The following WDFY4 variants were observed in gnomAD, a reference collection of about 807,000 sequenced individuals.
WDFY4 encodes the protein WD repeat- and FYVE domain-containing protein 4.
A neutral mutation model predicts 351.9 loss-of-function variants in WDFY4; 169 were observed. The observed-to-expected ratio is 0.48, with a 90% CI of 0.42 to 0.55. The LOEUF (loss-of-function observed/expected upper bound fraction) is 0.55. Among genes scored for constraint, WDFY4 ranks in the 20% least tolerant of loss-of-function variants. The pLI is 0.00. For missense variants in WDFY4, 3,803 were observed against 3,935.6 expected, an observed-to-expected ratio of 0.97 and a Z score of 0.90; for synonymous variants, 1,622 against 1,574.6, an observed-to-expected ratio of 1.03 and a Z score of -0.71.
At chr10:48,844,951 G>A (rs1220154053) in intron 39 of WDFY4, among the ~76,000 whole-genome samples, 1 of 152,214 alleles carries the variant, frequency 6.6e-6, no homozygotes, top group Non-Finnish European at 1.5e-5. Flanking sequence ...GATGGCTGTA[G>A]GTTGGAAGGT....
rs772820588 is a variant in WDFY4 at position 48,774,513 on chromosome 10, C to T, written c.2609C>T (p.Ser870Leu). 12 of 1,551,610 alleles carry T rather than the reference C, an allele frequency of 7.7e-6. No individual in the cohort carries two copies. Among genetic ancestry groups the T allele is most frequent in the South Asian group, 3.6e-5 (3 of 84,070 alleles). The change falls in exon 14 of 62, where the codon TCG (serine) becomes TTG (leucine). Residue 870 changes from serine to leucine, a missense_variant. Ser to Leu is a moderately radical substitution (Grantham distance 145). Transcript: ENST00000325239. ...AGTCATATCCAGTCCCTGGTGAAGT[C>T]GGAGAAGAACCGCCAGGTCATGTGC... is the stretch of plus-strand genomic sequence containing the variant. The part of the protein sequence containing the change: ...LASHIQSLVK[S>L]EKNRQVMCEA...
intron 32 of WDFY4, 65 bp from the exon 33 acceptor site, chr10:48,820,168 AC>A (rs561025930): frequency 1.7e-4 from 258 of 1,515,332 alleles, no homozygotes; most frequent in Non-Finnish European, 2.2e-4. Flanking sequence ...TGTACATGGC[AC>A]AGGTTGGTGG....
At chr10:48,693,390 C>T (rs1197661339) in intron 1 of WDFY4, among the ~76,000 whole-genome samples, 1 of 152,202 alleles carries the variant, frequency 6.6e-6, no homozygotes, top group African/African-American at 2.4e-5. Flanking sequence ...AGGGCAGGCC[C>T]AGAGGACCTG....
chr10:48,970,023 C>T, intron 56 of WDFY4, 108 bp from the exon 57 acceptor site: 1 of 1,334,912 alleles, frequency 7.5e-7, no homozygotes. Flanking sequence ...CATGGCATGT[C>T]CCCAGTTCCC....
chr10:48,838,785 A>G (rs2068495369), intron 39 of WDFY4, among the ~76,000 whole-genome samples: 1 of 152,170 alleles, frequency 6.6e-6, no homozygotes, highest in Admixed American at 6.5e-5. Context: ...CTGTATGCTT[A>G]TTTTCTCTTT....
At chr10:48,849,766 G>T (rs2068896300) in intron 39 of WDFY4, among the ~76,000 whole-genome samples, 1 of 152,182 alleles carries the variant, frequency 6.6e-6, no homozygotes. Flanking sequence ...AATTGACATT[G>T]TTGCATTACT....
chr10:48,964,883 G>A (rs1197006467), intron 54 of WDFY4, among the ~76,000 whole-genome samples: 1 of 152,166 alleles, frequency 6.6e-6, no homozygotes, highest in Admixed American at 6.5e-5. Context: ...ACTCGGGGTG[G>A]GGAGGGGCTC....
intron 47 of WDFY4, among the ~76,000 whole-genome samples, chr10:48,922,088 C>T (rs571297365): frequency 3.3e-5 from 5 of 152,292 alleles, no homozygotes; most frequent in South Asian, 2.1e-4. Context: ...TGGGTGGATT[C>T]CTAATACTGT....
intron 52 of WDFY4, among the ~76,000 whole-genome samples, chr10:48,957,811 G>A (rs569606153): frequency 6.6e-6 from 1 of 152,318 alleles, no homozygotes; most frequent in East Asian, 1.9e-4. Context: ...ATGCAGCAGG[G>A]CTTCTTGCTG....
chr10:48,830,553 C>A, intron 37 of WDFY4, 147 bp from the exon 38 acceptor site: 1 of 877,044 alleles, frequency 1.1e-6, no homozygotes, highest in Non-Finnish European at 1.7e-6. Flanking sequence ...CTGATTGCTT[C>A]TCGCTGAAGC....
chr10:48,794,804 C>A (rs976311993), intron 23 of WDFY4, among the ~76,000 whole-genome samples: 1 of 152,088 alleles, frequency 6.6e-6, no homozygotes, highest in Non-Finnish European at 1.5e-5. Context: ...GATTTGGCCA[C>A]CTGGAAGTCC....
chr10:48,945,429 C>T (rs959063994), intron 49 of WDFY4, among the ~76,000 whole-genome samples: 4 of 152,120 alleles, frequency 2.6e-5, no homozygotes, highest in Non-Finnish European at 5.9e-5. Context: ...TAAAGAAATG[C>T]AAACCCCAGC....
In WDFY4 at chr10:48,822,364, T is replaced by A. The variant is rs1482760301; in HGVS notation, c.5825-16T>A. 7.9e-6 allele frequency: 12 copies of A among 1,526,802 alleles called. No individual in the cohort carries two copies. Among genetic ancestry groups the A allele is most frequent in the Non-Finnish European group, 1.1e-5 (12 of 1,133,532 alleles). 94.6% of individuals were successfully genotyped at this position (1,526,802 alleles called of 1,614,324 possible). A position where few individuals can be genotyped will look rare whatever the true frequency, so the allele number is the denominator to read the frequency against. On this transcript the variant is annotated splice_polypyrimidine_tract_variant and intron_variant, in intron 34 of 61. Coordinates refer to ENST00000325239, the MANE Select transcript of WDFY4 (RefSeq NM_001394531.1). ...CCATTTAGACTCTCACCTCCACCTG[T>A]CCCCTCACTCCACAGACGGCAAAGA...
In WDFY4 at chr10:48,787,947, T is replaced by TCTTCTTCTTCTTCTC. The variant is rs2066526380; in HGVS notation, c.3809-569_3809-568insCCTTCTTCTTCTTCT. On this transcript the variant is annotated intron_variant, in intron 20 of 61. Coordinates refer to ENST00000325239, the MANE Select transcript of WDFY4 (RefSeq NM_001394531.1). ...TTCTTCTTCTTCTTCTTCTTCTTCT[T>TCTTCTTCTTCTTCTC]CTTCTTCTTCTTCTTCTTCTTCTTC... Among the ~76,000 whole-genome samples the TCTTCTTCTTCTTCTC allele has an allele frequency of 8.2e-5, 7 of 85,640 alleles. No individual in the cohort carries two copies. The South Asian group carries it at 2.4e-3, about 29-fold the overall frequency. 56.2% of individuals were successfully genotyped at this position (85,640 alleles called of 152,430 possible). A position where few individuals can be genotyped will look rare whatever the true frequency, so the allele number is the denominator to read the frequency against.
chr10:48,854,970 A>T (rs2069086234), intron 39 of WDFY4, among the ~76,000 whole-genome samples: 1 of 152,226 alleles, frequency 6.6e-6, no homozygotes, highest in Non-Finnish European at 1.5e-5. Flanking sequence ...TCAGCATTTT[A>T]TGTCACTTGT....
intron 24 of WDFY4, among the ~76,000 whole-genome samples, chr10:48,799,934 G>C (rs554625047): frequency 1.3e-5 from 2 of 151,936 alleles, no homozygotes; most frequent in Non-Finnish European, 2.9e-5. Flanking sequence ...TTGCCAGACC[G>C]GAGTGCAGTG....
chr10:48,805,810 G>A (rs2067234808), intron 26 of WDFY4, among the ~76,000 whole-genome samples, 194 bp from the exon 27 acceptor site: 1 of 152,226 alleles, frequency 6.6e-6, no homozygotes, highest in Admixed American at 6.5e-5. Flanking sequence ...ATCAGGTAGA[G>A]CCAGAGTTAG....
chr10:48,765,969 C>T (rs183785440), intron 13 of WDFY4, among the ~76,000 whole-genome samples: 3 of 152,266 alleles, frequency 2.0e-5, no homozygotes, highest in Admixed American at 2.0e-4. Context: ...GAAAGGGTGC[C>T]ATTTTCTGGA....
intron 30 of WDFY4, 106 bp from the exon 31 acceptor site, chr10:48,813,851 T>G: frequency 7.5e-7 from 1 of 1,330,946 alleles, no homozygotes; most frequent in Admixed American, 3.2e-5. Context: ...TGTGCTCTTT[T>G]GCTTTTCCCA....
Sources: gnomAD v4.1 joint callset for allele counts (sites outside exome capture counted in the v4.1 genomes callset) on GRCh38, gnomAD v4.1.1 for gene constraint, MANE v1.5 for transcripts, NCBI Gene and HGNC (gene_info 2026-07-23, HGNC 2026-07-21) for gene names.